Variants in DRC4 observed in about 807,000 individuals in gnomAD.
DRC4 encodes the protein GAS-11.
chr16:90,019,846 G>C, the DRC4 span: 1 of 686,970 alleles, frequency 1.5e-6, no homozygotes, highest in Non-Finnish European at 2.6e-6. This position sits in a 1 kb window ranked among gnomAD's most constrained non-coding sequence, Gnocchi z 6.1. Flanking sequence ...CCTGACTCGC[G>C]CTGGGTAATG....
chr16:90,031,272 C>A, the DRC4 span: 1 of 1,610,328 alleles, frequency 6.2e-7, no homozygotes, highest in South Asian at 1.1e-5. Context: ...TGCTCAGTGC[C>A]TCACCTGACC....
chr16:90,022,573 C>G, the DRC4 span: 2 of 915,302 alleles, frequency 2.2e-6, no homozygotes, highest in Non-Finnish European at 3.0e-6. Context: ...GGACGCACTC[C>G]CGCCTTTGGC....
At chr16:90,043,227 C>T in the DRC4 span, 2 of 1,613,598 alleles carry the variant, frequency 1.2e-6, no homozygotes, top group East Asian at 2.2e-5. Flanking sequence ...ACGTATGAGG[C>T]AAAGCTGCTG....
At chr16:90,031,317 C>G in the DRC4 span, 2 of 1,612,808 alleles carry the variant, frequency 1.2e-6, no homozygotes, top group Non-Finnish European at 1.7e-6. Context: ...GCATGTCAGC[C>G]GCATCCGGGA....
the DRC4 span, chr16:90,020,763 C>T: frequency 6.6e-6 from 1 of 152,232 alleles, no homozygotes; most frequent in Non-Finnish European, 1.5e-5. Flanking sequence ...AGTACCCTGT[C>T]TAGGCTATCC....
chr16:90,036,559 C>A, the DRC4 span: 1 of 1,591,188 alleles, frequency 6.3e-7, no homozygotes, highest in Non-Finnish European at 8.6e-7. Context: ...TCACCCTCAA[C>A]AACCTGGCCC....
the DRC4 span, chr16:90,037,739 C>A: frequency 6.2e-7 from 1 of 1,606,480 alleles, no homozygotes; most frequent in South Asian, 1.1e-5. Flanking sequence ...CTTTCTGTCC[C>A]CTACTCCCTG....
chr16:90,043,883 G>A, the DRC4 span: 4 of 458,618 alleles, frequency 8.7e-6, no homozygotes, highest in South Asian at 6.3e-5. Flanking sequence ...TGCGGGAACG[G>A]GCAGGCAGCC....
the DRC4 span, chr16:90,035,973 A>C: frequency 2.8e-5 from 36 of 1,295,154 alleles, no homozygotes; most frequent in Non-Finnish European, 3.4e-5. Context: ...TGCCGTGGGC[A>C]GCCTTCTTAA....
chr16:90,032,718 G>C, the DRC4 span: 3 of 1,613,774 alleles, frequency 1.9e-6, 1 homozygote, highest in South Asian at 3.3e-5. Context: ...TGCCCTGCAG[G>C]TGTACAAGCA....
At chr16:90,032,043 T>A in the DRC4 span, among the ~76,000 whole-genome samples, 454 of 151,876 alleles carry the variant, frequency 3.0e-3, 1 homozygote, top group African/African-American at 0.01. Context: ...GGAGGTGTAG[T>A]ACAGGTGTAG....
the DRC4 span, chr16:90,037,348 C>T: frequency 1.7e-5 from 27 of 1,613,832 alleles, no homozygotes; most frequent in Admixed American, 2.0e-4. Context: ...AGGAGATGAG[C>T]GAGATGCAGA....
At chr16:90,036,103 G>C in the DRC4 span, 1 of 584,944 alleles carries the variant, frequency 1.7e-6, no homozygotes. Context: ...TGCTCACTGG[G>C]GTCAGCTGAC....
the DRC4 span, among the ~76,000 whole-genome samples, chr16:90,034,260 G>C: frequency 6.6e-6 from 1 of 152,232 alleles, no homozygotes; most frequent in Non-Finnish European, 1.5e-5. Context: ...GAGCCCTCCA[G>C]AATTAGCTGG....
chr16:90,026,019 T>C, the DRC4 span, among the ~76,000 whole-genome samples: 1 of 151,958 alleles, frequency 6.6e-6, no homozygotes, highest in Admixed American at 6.6e-5. Flanking sequence ...CTTGGGAGGC[T>C]GAGGTGGGAG....
the DRC4 span, chr16:90,042,259 T>C: frequency 1.6e-6 from 1 of 609,604 alleles, no homozygotes. Flanking sequence ...GAGAGGCAGG[T>C]TGTGCAAGCT....
At chr16:90,020,020 G>T in the DRC4 span, 4 of 699,112 alleles carry the variant, frequency 5.7e-6, no homozygotes, top group East Asian at 1.1e-4. Context: ...CGATGAAACT[G>T]ACCCCCATGT....
the DRC4 span, among the ~76,000 whole-genome samples, chr16:90,024,175 G>T: frequency 1.4e-5 from 2 of 140,832 alleles, no homozygotes; most frequent in Non-Finnish European, 3.2e-5. Flanking sequence ...GCCGGGTGTG[G>T]TGGTACGCAC....
At chr16:90,030,104 G>T in the DRC4 span, among the ~76,000 whole-genome samples, 2 of 152,050 alleles carry the variant, frequency 1.3e-5, no homozygotes, top group African/African-American at 4.8e-5. Context: ...CTGGAAGCCT[G>T]TCCTACATTT....
Sources: allele counts gnomAD v4.1 joint callset (sites outside exome capture counted in the v4.1 genomes callset), GRCh38; gene constraint gnomAD v4.1.1; non-coding constraint Gnocchi (gnomAD v3.1); transcripts MANE v1.5; gene names NCBI Gene and HGNC (gene_info 2026-07-23, HGNC 2026-07-21).